Variants in RB1 observed in about 807,000 individuals in gnomAD.
The protein encoded by RB1 is retinoblastoma-associated protein.
RB1 carries 18 observed loss-of-function variants against 135.4 expected under a neutral mutation model. That is an observed-to-expected ratio of 0.13 (90% CI 0.09 to 0.20). RB1 has a LOEUF of 0.20. Among genes scored for constraint, RB1 ranks in the 10% least tolerant of loss-of-function variants. The pLI is 1.00. For synonymous variants in RB1, 365 were observed against 373.2 expected, an observed-to-expected ratio of 0.98 and a Z score of 0.25; for missense variants, 868 against 1,110.0, an observed-to-expected ratio of 0.78 and a Z score of 3.10.
chr13:48,459,562 GA>G (rs1949382499), intron 19 of RB1, 125 bp from the exon 20 acceptor site: 2 of 952,216 alleles, frequency 2.1e-6, no homozygotes, highest in Admixed American at 1.9e-5. Context: ...AAGAGTGGTA[GA>G]AAAGAGGTTT....
intron 2 of RB1, among the ~76,000 whole-genome samples, chr13:48,333,679 T>G (rs1952356832): frequency 1.3e-5 from 2 of 151,922 alleles, no homozygotes; most frequent in South Asian, 4.2e-4. Flanking sequence ...CAGTCTTAAC[T>G]TACACTTTGG....
chr13:48,323,422 G>A (rs1952258468), intron 2 of RB1, among the ~76,000 whole-genome samples: 1 of 151,056 alleles, frequency 6.6e-6, no homozygotes, highest in South Asian at 2.1e-4. Context: ...TTTTATCTTG[G>A]TCAGTCTAAC....
chr13:48,338,426 A>G (rs1465411827), intron 2 of RB1, among the ~76,000 whole-genome samples: 2 of 152,064 alleles, frequency 1.3e-5, no homozygotes, highest in Non-Finnish European at 2.9e-5. Context: ...CATTTCATTC[A>G]TTTGATCTTC....
chr13:48,362,509 A>G (rs1471201193), intron 7 of RB1, among the ~76,000 whole-genome samples: 1 of 152,112 alleles, frequency 6.6e-6, no homozygotes, highest in Non-Finnish European at 1.5e-5. Flanking sequence ...TTCCTCTTGC[A>G]GACTAAAATA....
At position 48,480,594 on chromosome 13, in the gene RB1, T is replaced by A. The variant is rs554797831; in HGVS notation, c.*523T>A. The A allele has an allele frequency of 4.4e-6, 1 of 226,674 alleles. No homozygotes were observed. Among genetic ancestry groups the A allele is most frequent in the African/African-American group, 2.2e-5 (1 of 45,088 alleles). The allele number at this position is 226,674 out of a possible 1,614,324, so 14.0% of individuals were successfully genotyped here. On this transcript the variant is annotated 3_prime_UTR_variant, in exon 27 of 27. Transcript: ENST00000267163. ...ACTCTTCTGCAAAAATGGATATTAT[T>A]AGAAATTAGAAAAAAATTACTAATT...
intron 3 of RB1, 69 bp from the exon 4 acceptor site, chr13:48,345,011 G>A: frequency 6.6e-7 from 1 of 1,510,170 alleles, no homozygotes; most frequent in Non-Finnish European, 9.1e-7. Flanking sequence ...AAATATCTAT[G>A]ATTTGAAAAC....
intron 6 of RB1, among the ~76,000 whole-genome samples, chr13:48,357,081 G>A (rs769188389): frequency 7.3e-5 from 11 of 150,052 alleles, no homozygotes; most frequent in Non-Finnish European, 1.3e-4. Context: ...TTGTTATTCT[G>A]TATTAGCTTT....
intron 2 of RB1, among the ~76,000 whole-genome samples, chr13:48,323,774 G>T (rs958762174): frequency 2.6e-5 from 4 of 151,924 alleles, no homozygotes; most frequent in African/African-American, 9.7e-5. Context: ...AGAAATCTTT[G>T]GTCCAAGACC....
chr13:48,419,599 C>G (rs531832608), intron 17 of RB1, among the ~76,000 whole-genome samples: 5 of 152,206 alleles, frequency 3.3e-5, no homozygotes, highest in East Asian at 1.9e-4. Flanking sequence ...AATCCAGGAG[C>G]TGGTTTTTTG....
chr13:48,384,681 C>T (rs1948559897), intron 17 of RB1, among the ~76,000 whole-genome samples: 1 of 151,968 alleles, frequency 6.6e-6, no homozygotes, highest in South Asian at 2.1e-4. Flanking sequence ...AAATGAGGTG[C>T]TGCTTACTTC....
At chr13:48,462,526 A>G (rs535230237) in intron 20 of RB1, among the ~76,000 whole-genome samples, 28 of 152,306 alleles carry the variant, frequency 1.8e-4, no homozygotes, top group African/African-American at 6.7e-4. Flanking sequence ...TAATTTGAAA[A>G]TATTTTCTCC....
intron 17 of RB1, among the ~76,000 whole-genome samples, chr13:48,396,792 A>G (rs191755228): frequency 1.5e-4 from 23 of 152,316 alleles, no homozygotes; most frequent in Non-Finnish European, 3.1e-4. Context: ...AACTTAAACA[A>G]ATTTACAGGA....
intron 17 of RB1, among the ~76,000 whole-genome samples, chr13:48,385,737 A>C (rs1215935026): frequency 6.6e-6 from 1 of 152,212 alleles, no homozygotes; most frequent in African/African-American, 2.4e-5. Flanking sequence ...GCTGCCCAAT[A>C]AACAGAACAG....
chr13:48,402,719 A>G (rs198612), intron 17 of RB1, among the ~76,000 whole-genome samples: 32,576 of 151,920 alleles, frequency 0.21, 3,922 homozygotes, highest in South Asian at 0.27. Context: ...TTTTCTTTAA[A>G]TGCAGGTCCA....
intron 17 of RB1, among the ~76,000 whole-genome samples, chr13:48,413,330 G>C (rs572539217): frequency 3.4e-4 from 52 of 152,232 alleles, no homozygotes; most frequent in African/African-American, 1.1e-3. Flanking sequence ...TGCCTTCTGC[G>C]GTGCTGGCAA....
chr13:48,314,365 C>G (rs1269062768), intron 2 of RB1, among the ~76,000 whole-genome samples: 2 of 152,054 alleles, frequency 1.3e-5, no homozygotes, highest in South Asian at 2.1e-4. Context: ...CTTTCTTTCA[C>G]CAGTGTTTTC....
chr13:48,429,456 C>T (rs1949108192), intron 17 of RB1: 1 of 152,182 alleles, frequency 6.6e-6, no homozygotes, highest in Non-Finnish European at 1.5e-5. Flanking sequence ...CGAACCCACC[C>T]AGGTCGGAAA....
intron 2 of RB1, among the ~76,000 whole-genome samples, chr13:48,336,060 G>C (rs1461284826): frequency 6.6e-6 from 1 of 152,088 alleles, no homozygotes; most frequent in Non-Finnish European, 1.5e-5. Flanking sequence ...TACTGAAGGA[G>C]AAAAATTGCA....
chr13:48,478,724 ATGCTC>A (rs1017574287), intron 26 of RB1, among the ~76,000 whole-genome samples: 11 of 152,154 alleles, frequency 7.2e-5, no homozygotes, highest in African/African-American at 2.4e-4. Context: ...TTTCTTTAGG[ATGCTC>A]TTCAGCTTTT....
Sources: allele counts gnomAD v4.1 joint callset (sites outside exome capture counted in the v4.1 genomes callset), GRCh38; gene constraint gnomAD v4.1.1; transcripts MANE v1.5; gene names NCBI Gene and HGNC (gene_info 2026-07-23, HGNC 2026-07-21).